Variants in RNF212B observed in about 807,000 individuals in gnomAD.
RNF212B encodes the protein E3 ubiquitin-protein ligase RNF212B.
RNF212B carries 52 observed loss-of-function variants against 55.5 expected under a neutral mutation model. The ratio of observed to expected loss-of-function variants is 0.94; its 90% CI spans 0.75 to 1.18. The LOEUF is 1.18. Ranked by LOEUF, RNF212B falls within the 50% of genes most tolerant of loss-of-function variation. The pLI, the probability that RNF212B is intolerant of heterozygous loss-of-function variation, is 0.00. For synonymous variants in RNF212B, 99 were observed against 121.4 expected, an observed-to-expected ratio of 0.82 and a Z score of 1.21; for missense variants, 289 against 350.4, an observed-to-expected ratio of 0.82 and a Z score of 1.40.
intron 14 of RNF212B, 53 bp downstream of exon 14, chr14:23,270,714 C>G (rs1479363956): frequency 8.2e-7 from 1 of 1,221,936 alleles, no homozygotes; most frequent in Non-Finnish European, 1.2e-6. Flanking sequence ...CATGGTTAGG[C>G]CTGCACACTA....
intron 2 of RNF212B, among the ~76,000 whole-genome samples, chr14:23,210,976 T>C (rs1009761526): frequency 1.3e-5 from 2 of 151,724 alleles, no homozygotes; most frequent in African/African-American, 4.8e-5. Flanking sequence ...CAAATTCACT[T>C]TGGGAGGCCA....
At chr14:23,217,201 C>A (rs1211750324) in intron 2 of RNF212B, among the ~76,000 whole-genome samples, 1 of 150,890 alleles carries the variant, frequency 6.6e-6, no homozygotes, top group Non-Finnish European at 1.5e-5. Flanking sequence ...AAGTTAACAT[C>A]AGCAGTGGCC....
At chr14:23,223,729 G>A (rs1881771380) in intron 2 of RNF212B, among the ~76,000 whole-genome samples, 1 of 152,176 alleles carries the variant, frequency 6.6e-6, no homozygotes, top group Admixed American at 6.5e-5. Context: ...AGGACTGGAA[G>A]TCTTAGCTAG....
chr14:23,233,562 CA>C (rs35654046), upstream of RNF212B, among the ~76,000 whole-genome samples: 18,044 of 58,654 alleles, frequency 0.31, 1,136 homozygotes, highest in African/African-American at 0.45. Context: ...CCCATCTCTA[CA>C]AAAAAAAAAA....
At chr14:23,244,069 A>C (rs78592089) in intron 3 of RNF212B, among the ~76,000 whole-genome samples, 19 of 151,654 alleles carry the variant, frequency 1.3e-4, no homozygotes, top group Non-Finnish European at 2.9e-5. Context: ...CAACAGCAAA[A>C]CTCTGTCTCA....
At chr14:23,251,908 C>A (rs1462423415) in intron 4 of RNF212B, among the ~76,000 whole-genome samples, 2 of 152,042 alleles carry the variant, frequency 1.3e-5, no homozygotes, top group African/African-American at 2.4e-5. Flanking sequence ...AGCTTCCATA[C>A]CCTCTCCAGA....
intron 2 of RNF212B, among the ~76,000 whole-genome samples, chr14:23,208,757 G>GGTTTTTTTTT (rs1182142805): frequency 3.1e-5 from 3 of 98,110 alleles, no homozygotes; most frequent in African/African-American, 1.4e-4. Flanking sequence ...GCTGGTTGCC[G>GGTTTTTTTTT]TTTTTTTTTT....
intron 2 of RNF212B, among the ~76,000 whole-genome samples, chr14:23,218,326 C>T (rs1881277353): frequency 6.6e-6 from 1 of 151,802 alleles, no homozygotes; most frequent in African/African-American, 2.4e-5. Context: ...CAAGATTGCA[C>T]CTCTGCACTA....
chr14:23,211,556 A>G (rs1880521958), intron 2 of RNF212B, among the ~76,000 whole-genome samples: 1 of 152,234 alleles, frequency 6.6e-6, no homozygotes, highest in Non-Finnish European at 1.5e-5. Flanking sequence ...AGATCGTACC[A>G]GAAAACTAAA....
intron 9 of RNF212B, among the ~76,000 whole-genome samples, chr14:23,263,189 A>T (rs1038417251): frequency 2.6e-5 from 4 of 152,070 alleles, no homozygotes; most frequent in Non-Finnish European, 5.9e-5. Flanking sequence ...GTATACAACA[A>T]CTCTCAAACT....
At chr14:23,195,443 T>C (rs1372568670) in intron 2 of RNF212B, among the ~76,000 whole-genome samples, 1 of 152,228 alleles carries the variant, frequency 6.6e-6, no homozygotes, top group Non-Finnish European at 1.5e-5. Flanking sequence ...TGTCTACCTC[T>C]AAGGCTTCGA....
intron 1 of RNF212B, among the ~76,000 whole-genome samples, chr14:23,186,562 C>T (rs1374310336): frequency 6.6e-6 from 1 of 152,076 alleles, no homozygotes; most frequent in Non-Finnish European, 1.5e-5. Flanking sequence ...GTTGGTTAGG[C>T]TCGTCTTGAA....
intron 2 of RNF212B, among the ~76,000 whole-genome samples, chr14:23,212,947 A>G (rs183823321): frequency 6.6e-6 from 1 of 152,254 alleles, no homozygotes; most frequent in African/African-American, 2.4e-5. Context: ...ATTATCATTT[A>G]TGATAATATC....
chr14:23,228,947 AATC>A (rs1566412039), intron 2 of RNF212B, among the ~76,000 whole-genome samples: 2 of 151,986 alleles, frequency 1.3e-5, no homozygotes, highest in Non-Finnish European at 2.9e-5. Context: ...AATGTTGTAC[AATC>A]ATCATCTCTA....
At chr14:23,222,508 A>G (rs113161009) in intron 2 of RNF212B, among the ~76,000 whole-genome samples, 14 of 152,314 alleles carry the variant, frequency 9.2e-5, no homozygotes, top group African/African-American at 2.6e-4. Flanking sequence ...CTCCCAATAA[A>G]GAAAAGCCTG....
Position 23,239,339 on chromosome 14 carries a change from T to C in RNF212B, c.-1-1006T>C, listed in dbSNP as rs533817164. ...CCTCCCAAAGTGCTGGGATTACAGGTGTGAGACACCATGCTTGGCCTGATT... is the reference window on the plus strand; with the variant it reads ...CCTCCCAAAGTGCTGGGATTACAGGCGTGAGACACCATGCTTGGCCTGATT... On this transcript the variant is annotated intron_variant, in intron 1 of 14. Coordinates refer to ENST00000430154, the MANE Select transcript of RNF212B (RefSeq NM_001282322.3). 2.6e-4 allele frequency among the ~76,000 whole-genome samples: 40 copies of C among 151,782 alleles called. 1 individual carries two copies. In the East Asian group the frequency reaches 7.6e-3, roughly 29 times the overall value.
chr14:23,240,585 AT>A (rs1362406910), intron 2 of RNF212B, 140 bp downstream of exon 2: 1 of 537,218 alleles, frequency 1.9e-6, no homozygotes, highest in Non-Finnish European at 3.3e-6. Flanking sequence ...GAAACTGTCA[AT>A]TTTAGAAATT....
chr14:23,196,343 TG>T (rs2140361722), intron 2 of RNF212B, among the ~76,000 whole-genome samples: 1 of 152,300 alleles, frequency 6.6e-6, no homozygotes, highest in Non-Finnish European at 1.5e-5. Flanking sequence ...AACCTCCAGC[TG>T]GCTTCCAAGC....
intron 2 of RNF212B, among the ~76,000 whole-genome samples, chr14:23,241,592 T>G (rs2140437101): frequency 6.6e-6 from 1 of 152,076 alleles, no homozygotes; most frequent in East Asian, 2.0e-4. Context: ...CCTGGCTAAC[T>G]TTTGTATTTT....
Sources: gnomAD v4.1 joint callset for allele counts (sites outside exome capture counted in the v4.1 genomes callset) on GRCh38, gnomAD v4.1.1 for gene constraint, MANE v1.5 for transcripts, NCBI Gene and HGNC (gene_info 2026-07-23, HGNC 2026-07-21) for gene names.